Variants in MAOB observed in about 807,000 individuals in gnomAD.
MAOB encodes the protein amine oxidase [flavin-containing] B.
A neutral mutation model predicts 41.9 loss-of-function variants in MAOB; 15 were observed. That is an observed-to-expected ratio of 0.36 (90% CI 0.24 to 0.55). The LOEUF (loss-of-function observed/expected upper bound fraction) is 0.55, where lower values mean the gene tolerates loss of function less well. Among genes scored for constraint, MAOB ranks in the 20% least tolerant of loss-of-function variants. MAOB has a pLI of 0.86. For missense variants in MAOB, 345 were observed against 398.7 expected (o/e 0.87, Z 1.15); for synonymous variants, 167 against 144.2 (o/e 1.16, Z -1.13).
intron 1 of MAOB, chrX:43,844,070 G>T: frequency 3.1e-6 from 1 of 320,668 alleles, no homozygotes; most frequent in Non-Finnish European, 4.4e-6. Context: ...ACAAGGCCAT[G>T]CTCAAGAGAA....
At chrX:43,866,370 T>C (rs765033428) in intron 1 of MAOB, among the ~76,000 whole-genome samples, 2 of 112,475 alleles carry the variant, frequency 1.8e-5, no homozygotes, top group African/African-American at 6.5e-5. Flanking sequence ...ATCTGCTTTT[T>C]CCCAATTCAC....
At chrX:43,780,445 C>A (rs1365673482) in intron 9 of MAOB, 50 bp from the exon 10 acceptor site, 1 of 988,027 alleles carries the variant, frequency 1.0e-6, no homozygotes, top group Non-Finnish European at 1.4e-6. Context: ...TTGGTTTCAT[C>A]CTAGCCTCAT....
chrX:43,803,400 T>C lies in MAOB; in HGVS notation c.284A>G (p.Lys95Arg). ...GAATGGCCCCCTGAAGGGGTATGAT[T>C]TGCCCTGTGAGATACAAGATATTTT... ...VERLIHHVKGKSYPFRGPFPP... is the reference protein window; with the variant it reads ...VERLIHHVKGRSYPFRGPFPP... The change falls in exon 4 of 15, where the codon AAA becomes AGA. Residue 95 changes from lysine (K) to arginine (R), a missense_variant. Lys to Arg is a conservative substitution (Grantham distance 26, BLOSUM62 2). Transcript: ENST00000378069. The C allele has an allele frequency of 8.5e-7, 1 of 1,172,880 alleles. No homozygotes were observed. The highest frequency in any genetic ancestry group is 2.0e-5 in the South Asian group (1 of 49,071).
chrX:43,791,322 G>A (rs777865099), intron 8 of MAOB, among the ~76,000 whole-genome samples: 1 of 111,158 alleles, frequency 9.0e-6, no homozygotes, highest in East Asian at 2.8e-4. Flanking sequence ...CCTCCTTGGA[G>A]TACATCCCGC....
chrX:43,856,534 A>C (rs1395425510), intron 1 of MAOB, among the ~76,000 whole-genome samples: 3 of 112,132 alleles, frequency 2.7e-5, no homozygotes, highest in Non-Finnish European at 5.6e-5. Flanking sequence ...ACAGTCAAAA[A>C]TCCATGTATA....
intron 3 of MAOB, among the ~76,000 whole-genome samples, chrX:43,808,180 C>T (rs761164742): frequency 1.8e-5 from 2 of 111,454 alleles, no homozygotes; most frequent in African/African-American, 3.3e-5. Context: ...ATTGTGCCCA[C>T]GAGTAAAGGG....
intron 1 of MAOB, among the ~76,000 whole-genome samples, chrX:43,876,992 T>A (rs1602040565): frequency 8.9e-6 from 1 of 112,496 alleles, no homozygotes; most frequent in East Asian, 2.8e-4. Flanking sequence ...ACAATAATCA[T>A]CAATATCTAT....
intron 1 of MAOB, among the ~76,000 whole-genome samples, chrX:43,869,212 ATC>A (rs752328176): frequency 9.0e-6 from 1 of 111,053 alleles, no homozygotes; most frequent in Non-Finnish European, 1.9e-5. Context: ...GAAGGACAAG[ATC>A]TCTCTCTCTC....
intron 1 of MAOB, among the ~76,000 whole-genome samples, chrX:43,863,038 C>T (rs2035342702): frequency 9.0e-6 from 1 of 111,550 alleles, no homozygotes; most frequent in African/African-American, 3.3e-5. Flanking sequence ...ATTAAGTGAT[C>T]CCAACAGTGT....
At chrX:43,829,049 AT>A (rs1460592204) in intron 3 of MAOB, among the ~76,000 whole-genome samples, 14 of 111,701 alleles carry the variant, frequency 1.3e-4, no homozygotes, top group Non-Finnish European at 2.4e-4. Flanking sequence ...GTAACTATGA[AT>A]TGTGATTTTT....
chrX:43,855,977 G>T (rs2035284543), intron 1 of MAOB, among the ~76,000 whole-genome samples: 1 of 111,346 alleles, frequency 9.0e-6, no homozygotes, highest in Admixed American at 9.5e-5. Flanking sequence ...TGGAGAAACA[G>T]CATCTCCCCC....
chrX:43,873,090 T>C (rs187724648), intron 1 of MAOB, among the ~76,000 whole-genome samples: 2 of 112,452 alleles, frequency 1.8e-5, no homozygotes, highest in East Asian at 5.6e-4. Flanking sequence ...TGGTTATTAA[T>C]TCTTAACTTT....
chrX:43,830,991 T>C (rs1004504370), intron 3 of MAOB, among the ~76,000 whole-genome samples: 2 of 66,958 alleles, frequency 3.0e-5, no homozygotes, highest in African/African-American at 1.2e-4. Context: ...AGGTCAATGA[T>C]TAAGTGTGTG....
intron 1 of MAOB, among the ~76,000 whole-genome samples, chrX:43,867,917 T>A (rs994328054): frequency 4.4e-5 from 5 of 112,517 alleles, no homozygotes; most frequent in African/African-American, 1.6e-4. Flanking sequence ...ATAGGATGTA[T>A]CATTTAAAAG....
At chrX:43,801,142 A>G (rs1265393405) in intron 5 of MAOB, among the ~76,000 whole-genome samples, 4 of 86,147 alleles carry the variant, frequency 4.6e-5, no homozygotes, top group Non-Finnish European at 9.4e-5. Context: ...TTTTTTTATT[A>G]TTATACTTTA....
rs967585464 is a variant in MAOB at position 43,873,276 on chromosome X, C to A, written c.46+8978G>T. 6.3e-5 allele frequency among the ~76,000 whole-genome samples: 7 copies of A among 111,247 alleles called. No individual in the cohort carries two copies. The Admixed American group carries it at 6.7e-4, about 11-fold the overall frequency. On this transcript the variant is annotated intron_variant, in intron 1 of 14. Coordinates refer to ENST00000378069, the MANE Select transcript of MAOB (RefSeq NM_000898.5). Reference sequence around the variant, plus strand: ...GGGATCACAGCAATAAAAAGTAGCCCAACTTCAAAATATGAAGTAAGGATT... The same window carrying A: ...GGGATCACAGCAATAAAAAGTAGCCAAACTTCAAAATATGAAGTAAGGATT...
intron 1 of MAOB, among the ~76,000 whole-genome samples, chrX:43,866,318 C>T (rs1231531327): frequency 8.9e-6 from 1 of 112,222 alleles, no homozygotes; most frequent in Non-Finnish European, 1.9e-5. Context: ...TTGTTTGCTT[C>T]ACTTCTGACA....
At position 43,767,480 on chromosome X, in the gene MAOB, G is replaced by A. The variant is rs2034125457; in HGVS notation, c.1549C>T (p.Leu517Phe). Reference protein sequence around the residue: ...LGFLAHKRGLLVRV With the variant: ...LGFLAHKRGLFVRV ...ACCCTCTCTCTTTAGACTCTCACAA[G>A]TAGCCCCCTTTTGTGGGCCAGGAAG... The change falls in exon 15 of 15, where the codon CTT (leucine) becomes TTT (phenylalanine). Residue 517 changes from leucine (L) to phenylalanine (F), a missense_variant. Transcript: ENST00000378069. 4 of 1,209,852 alleles carry A rather than the reference G, an allele frequency of 3.3e-6. No homozygotes were observed. The highest frequency in any genetic ancestry group is 1.8e-5 in the South Asian group (1 of 56,723).
chrX:43,843,531 G>A, intron 2 of MAOB, 139 bp downstream of exon 2: 1 of 499,115 alleles, frequency 2.0e-6, no homozygotes. Context: ...CTGGGAGAGA[G>A]GCTGTGAAGA....
Sources: allele counts gnomAD v4.1 joint callset (sites outside exome capture counted in the v4.1 genomes callset), GRCh38; gene constraint gnomAD v4.1.1; transcripts MANE v1.5; gene names NCBI Gene and HGNC (gene_info 2026-07-23, HGNC 2026-07-21).